PLA2G5: variants seen among roughly 807,000 people sequenced by gnomAD.
PLA2G5 encodes the protein Ca2+-dependent phospholipase A2.
A neutral mutation model predicts 15.9 loss-of-function variants in PLA2G5; 12 were observed. The ratio of observed to expected loss-of-function variants is 0.76; its 90% CI spans 0.48 to 1.23. PLA2G5 has a LOEUF of 1.23. Ranked by LOEUF, PLA2G5 falls within the 50% of genes most tolerant of loss-of-function variation. The pLI, the probability that PLA2G5 is intolerant of heterozygous loss-of-function variation, is 0.00. For missense variants in PLA2G5, 169 were observed against 177.1 expected, an observed-to-expected ratio of 0.95 and a Z score of 0.26; for synonymous variants, 71 against 71.4, an observed-to-expected ratio of 0.99 and a Z score of 0.03.
intron 1 of PLA2G5, 150 bp from the exon 2 acceptor site, chr1:20,084,671 T>C: frequency 1.5e-6 from 1 of 663,448 alleles, no homozygotes; most frequent in Non-Finnish European, 2.8e-6. Context: ...GTTTTTTGCC[T>C]CATCTTTTCT....
At chr1:20,066,505 T>C (rs2015037893), upstream of PLA2G5, among the ~76,000 whole-genome samples, 2 of 152,296 alleles carry the variant, frequency 1.3e-5, no homozygotes, top group South Asian at 2.1e-4. Context: ...ACTGAAGAAA[T>C]TGGCAGACTC....
intron 2 of PLA2G5, among the ~76,000 whole-genome samples, chr1:20,060,247 CTTTTTTTTTTTTT>C (rs71585739): frequency 1.2e-5 from 1 of 83,690 alleles, no homozygotes; most frequent in Non-Finnish European, 2.1e-5. Context: ...CTTTTTTCTT[CTTTTTTTTTTTTT>C]TTTTTTTTTT....
chr1:20,055,265 T>C (rs1020369235), intron 1 of PLA2G5, among the ~76,000 whole-genome samples: 1 of 152,232 alleles, frequency 6.6e-6, no homozygotes, highest in Non-Finnish European at 1.5e-5. Flanking sequence ...ATCTGGGAAC[T>C]ATGTCTCCCA....
chr1:20,090,444 G>A, intron 4 of PLA2G5, 124 bp from the exon 5 acceptor site: 6 of 959,734 alleles, frequency 6.3e-6, no homozygotes, highest in South Asian at 2.9e-5. Context: ...CTATTCCCCC[G>A]ATTTAGGAGC....
chr1:20,060,360 TCTC>T (rs2014658681), intron 2 of PLA2G5, among the ~76,000 whole-genome samples: 1 of 148,104 alleles, frequency 6.8e-6, no homozygotes, highest in South Asian at 2.2e-4. Context: ...TTCAAGCGAT[TCTC>T]CTGCCTCAGC....
rs142160866 is a variant in PLA2G5, at chr1:20,041,510, A to G, written n.276+12801A>G. 1.5e-3 allele frequency among the ~76,000 whole-genome samples: 222 copies of G among 152,272 alleles called. 1 individual carries two copies. The highest frequency in any genetic ancestry group is 6.8e-3 in the Middle Eastern group (2 of 294). ...AATTTGCCAATCCTGGGCAGGGGCAAATCTCTGAGCTTGATGTCTAGGGAA... is the reference window on the plus strand; with the variant it reads ...AATTTGCCAATCCTGGGCAGGGGCAGATCTCTGAGCTTGATGTCTAGGGAA... On this transcript the variant is annotated intron_variant and non_coding_transcript_variant, in intron 1 of 6. Transcript: ENST00000460175.
chr1:20,085,808 G>A (rs2016257283), intron 2 of PLA2G5, among the ~76,000 whole-genome samples: 1 of 152,154 alleles, frequency 6.6e-6, no homozygotes, highest in Non-Finnish European at 1.5e-5. Context: ...TTTTCCAGGG[G>A]ATGAAACTGA....
chr1:20,058,994 C>T (rs930184835), intron 1 of PLA2G5, among the ~76,000 whole-genome samples: 4 of 150,668 alleles, frequency 2.7e-5, no homozygotes, highest in Non-Finnish European at 5.9e-5. Context: ...GCCAACATGG[C>T]GAAACTCCAT....
At chr1:20,076,900 T>C (rs141953723) in intron 1 of PLA2G5, 5 of 152,350 alleles carry the variant, frequency 3.3e-5, no homozygotes, top group African/African-American at 1.2e-4. Flanking sequence ...GAGCTCTGGG[T>C]AATCCTGTTG....
chr1:20,052,934 G>T (rs181647968), intron 1 of PLA2G5, among the ~76,000 whole-genome samples: 340 of 151,476 alleles, frequency 2.2e-3, no homozygotes, highest in Non-Finnish European at 3.8e-3. Flanking sequence ...CCTATGACCT[G>T]GAAGCCCCCT....
intron 1 of PLA2G5, among the ~76,000 whole-genome samples, chr1:20,053,427 T>G (rs2014272213): frequency 6.6e-6 from 1 of 152,144 alleles, no homozygotes; most frequent in African/African-American, 2.4e-5. Flanking sequence ...CTGAAGTTAT[T>G]TAGGTCAGTC....
At chr1:20,048,501 A>G (rs1246410589) in intron 1 of PLA2G5, among the ~76,000 whole-genome samples, 1 of 152,190 alleles carries the variant, frequency 6.6e-6, no homozygotes, top group Admixed American at 6.5e-5. Context: ...TACATCTTGA[A>G]TTTAGTAAGA....
chr1:20,055,246 A>G (rs1015278605), intron 1 of PLA2G5, among the ~76,000 whole-genome samples: 3 of 152,190 alleles, frequency 2.0e-5, no homozygotes, highest in African/African-American at 7.2e-5. Context: ...TCCATGATCC[A>G]TTCAGTTAAT....
intron 1 of PLA2G5, among the ~76,000 whole-genome samples, chr1:20,080,784 C>G (rs185223061): frequency 6.6e-6 from 1 of 151,710 alleles, no homozygotes; most frequent in African/African-American, 2.4e-5. Context: ...GGCCTGAGGA[C>G]GGAGAAAAGG....
chr1:20,029,418 C>G (rs534062858), intron 1 of PLA2G5, among the ~76,000 whole-genome samples: 1 of 152,318 alleles, frequency 6.6e-6, no homozygotes, highest in Non-Finnish European at 1.5e-5. Flanking sequence ...CTGATATGCT[C>G]CTCTCAAGGT....
intron 1 of PLA2G5, among the ~76,000 whole-genome samples, chr1:20,053,581 G>GT (rs1491182735): frequency 8.1e-6 from 1 of 123,486 alleles, no homozygotes; most frequent in Non-Finnish European, 1.7e-5. Context: ...GGGGGGGGGG[G>GT]TGATATGCAA....
chr1:20,077,410 G>A (rs2015746514), intron 1 of PLA2G5, among the ~76,000 whole-genome samples: 1 of 152,158 alleles, frequency 6.6e-6, no homozygotes. Context: ...TTTGACGTGT[G>A]GACTGGGCAG....
At chr1:20,048,834 T>C (rs2100392107) in intron 1 of PLA2G5, among the ~76,000 whole-genome samples, 1 of 152,280 alleles carries the variant, frequency 6.6e-6, no homozygotes, top group South Asian at 2.1e-4. Context: ...GTAAGTGTAA[T>C]GGACTGAATA....
At chr1:20,079,330 TAAC>T (rs1452535273) in intron 1 of PLA2G5, among the ~76,000 whole-genome samples, 1 of 152,156 alleles carries the variant, frequency 6.6e-6, no homozygotes, top group Non-Finnish European at 1.5e-5. Flanking sequence ...CATTTAATCC[TAAC>T]AACAGCTCTC....
Sources: gnomAD v4.1 joint callset for allele counts (sites outside exome capture counted in the v4.1 genomes callset) on GRCh38, gnomAD v4.1.1 for gene constraint, MANE v1.5 for transcripts, NCBI Gene and HGNC (gene_info 2026-07-23, HGNC 2026-07-21) for gene names.